The following CYP2E1 variants were observed in gnomAD, a reference collection of about 807,000 sequenced individuals.
CYP2E1 encodes cytochrome P450 family 2 subfamily E member 1.
In CYP2E1, 31 loss-of-function variants were observed where a neutral mutation model predicts 42.9. The ratio of observed to expected loss-of-function variants is 0.72; its 90% confidence interval spans 0.54 to 0.98. The LOEUF is 0.98. Ranked by LOEUF, CYP2E1 falls within the 50% of genes least tolerant of loss-of-function variation. The pLI is 0.00. For synonymous variants in CYP2E1, 244 were observed against 248.9 expected (o/e 0.98, Z 0.19); for missense variants, 565 against 633.2 (o/e 0.89, Z 1.16).
chr10:133,528,312 T>C, intron 1 of CYP2E1, 169 bp from the exon 2 acceptor site: 1 of 728,024 alleles, frequency 1.4e-6, no homozygotes, highest in South Asian at 1.9e-5. Context: ...CGCAGCAGCC[T>C]CTTGAGGGGA....
chr10:133,527,542 A>G lies in CYP2E1; in HGVS notation c.147A>G (p.Glu49=). The change falls in exon 1 of 9, where the codon GAA becomes GAG. Residue 49 remains glutamate (E), a synonymous_variant. Transcript: ENST00000252945. The stretch of plus-strand genomic sequence containing the variant: ...TCATCGGGAACCTCTTCCAGTTGGA[A>G]TTGAAGAATATTCCCAAGTCCTTCA... ...LPIIGNLFQL[E]LKNIPKSFTR... 6.2e-7 allele frequency: 1 copy of G among 1,612,950 alleles called. No homozygotes were observed. The highest frequency in any genetic ancestry group is 1.3e-5 in the African/African-American group (1 of 75,038).
intron 2 of CYP2E1, among the ~76,000 whole-genome samples, chr10:133,531,238 A>C (rs1004636251): frequency 1.3e-5 from 2 of 152,194 alleles, no homozygotes; most frequent in Admixed American, 6.5e-5. Flanking sequence ...GTGTTCTTGG[A>C]GTGGCCATAT....
intron 5 of CYP2E1, 110 bp from the exon 6 acceptor site, chr10:133,533,646 A>G: frequency 8.2e-7 from 1 of 1,221,702 alleles, no homozygotes; most frequent in African/African-American, 1.5e-5. Context: ...CCACTGGGAG[A>G]GCCTCTTGGA....
chr10:133,538,921 G>A lies in CYP2E1; in HGVS notation c.1439G>A (p.Cys480Tyr). 1 of 1,613,924 alleles carries A rather than the reference G, an allele frequency of 6.2e-7. No individual in the cohort carries two copies. The change falls in exon 9 of 9, where the codon TGT (cysteine) becomes TAT (tyrosine). Residue 480 changes from cysteine to tyrosine, a missense_variant. Physicochemically the swap from Cys to Tyr is radical, Grantham distance 194. Transcript: ENST00000252945. ...AGCCCTATACATATTGGGTTTGGCT[G>A]TATCCCACCACGTTACAAACTCTGT... Reference protein sequence around the residue: ...DLSPIHIGFGCIPPRYKLCVI... With the variant: ...DLSPIHIGFGYIPPRYKLCVI...
intron 8 of CYP2E1, among the ~76,000 whole-genome samples, chr10:133,538,439 A>G (rs776221954): frequency 4.6e-5 from 7 of 152,136 alleles, no homozygotes; most frequent in Admixed American, 1.3e-4. Context: ...CCAGCTTCTA[A>G]CAGGGCACTA....
At position 133,538,773 on chromosome 10, in the gene CYP2E1, C is replaced by T. The variant is rs1190224353; in HGVS notation, c.1298-7C>T. On this transcript the variant is annotated splice_region_variant and splice_polypyrimidine_tract_variant and intron_variant, in intron 8 of 8. Coordinates refer to ENST00000252945, the MANE Select transcript of CYP2E1 (RefSeq NM_000773.4). ...CAGTGTCTCATCAATACCATTGTTA[C>T]TTCTAGGAAAACGAGTGTGTGCTGG... 1 of 1,612,836 alleles carries T rather than the reference C, an allele frequency of 6.2e-7. No individual in the cohort carries two copies. The highest frequency in any genetic ancestry group is 1.7e-5 in the Admixed American group (1 of 59,982).
chr10:133,534,725 G>A (rs1031613519), intron 6 of CYP2E1, among the ~76,000 whole-genome samples: 1 of 152,160 alleles, frequency 6.6e-6, no homozygotes, highest in African/African-American at 2.4e-5. Flanking sequence ...GGTCACTTGT[G>A]GTCTTAAGGC....
chr10:133,538,920 T>C lies in CYP2E1; in HGVS notation c.1438T>C (p.Cys480Arg). ...DLSPIHIGFG[C>R]IPPRYKLCVI... ...CAGCCCTATACATATTGGGTTTGGC[T>C]GTATCCCACCACGTTACAAACTCTG... is the stretch of plus-strand genomic sequence containing the variant. The change falls in exon 9 of 9, where the codon TGT (cysteine) becomes CGT (arginine). Residue 480 changes from cysteine to arginine, a missense_variant. Cys to Arg is a radical substitution (Grantham distance 180). Coordinates refer to ENST00000252945, the MANE Select transcript of CYP2E1 (RefSeq NM_000773.4). The C allele has an allele frequency of 6.2e-7, 1 of 1,614,022 alleles. No individual in the cohort carries two copies. Among genetic ancestry groups the C allele is most frequent in the Non-Finnish European group, 8.5e-7 (1 of 1,179,974 alleles).
At chr10:133,535,556 A>T (rs553082199) in intron 6 of CYP2E1, among the ~76,000 whole-genome samples, 34 of 152,188 alleles carry the variant, frequency 2.2e-4, no homozygotes, top group Non-Finnish European at 3.1e-4. Flanking sequence ...TGCAGTGATT[A>T]TAAGAGAACT....
chr10:133,528,850 C>T (rs1046727003), intron 2 of CYP2E1, among the ~76,000 whole-genome samples: 2 of 152,240 alleles, frequency 1.3e-5, no homozygotes, highest in Admixed American at 6.5e-5. Context: ...TCCGGCCTCT[C>T]GGCGACTGTG....
intron 7 of CYP2E1, 139 bp downstream of exon 7, chr10:133,537,389 A>ACAGGGTGGGAGTGGGGCCAG: frequency 1.2e-6 from 1 of 803,622 alleles, no homozygotes; most frequent in Non-Finnish European, 2.0e-6. Context: ...CCCCACTCCC[A>ACAGGGTGGGAGTGGGGCCAG]CCCTGTGGGA....
intron 2 of CYP2E1, 143 bp from the exon 3 acceptor site, chr10:133,531,442 C>T: frequency 2.0e-6 from 2 of 994,022 alleles, no homozygotes; most frequent in Non-Finnish European, 3.1e-6. Flanking sequence ...GCTGGGACAC[C>T]CCTCTGTCTC....
chr10:133,531,806 C>A, intron 3 of CYP2E1, 72 bp downstream of exon 3: 1 of 1,459,308 alleles, frequency 6.9e-7, no homozygotes, highest in Middle Eastern at 2.3e-4. Context: ...GGCTGGGACT[C>A]CTAGACTGCA....
At chr10:133,532,305 C>T (rs199581521) in intron 4 of CYP2E1, 21 bp downstream of exon 4, 19 of 1,606,336 alleles carry the variant, frequency 1.2e-5, no homozygotes, top group African/African-American at 2.7e-5. Flanking sequence ...TTTCCTCTTT[C>T]ATCAGTCATC....
chr10:133,537,024 A>G, intron 6 of CYP2E1, 39 bp from the exon 7 acceptor site: 2 of 1,592,362 alleles, frequency 1.3e-6, no homozygotes, highest in Non-Finnish European at 1.7e-6. Context: ...ACTGGCCAGG[A>G]ACCAATCCCT....
rs1038603685 is a variant in CYP2E1, at chr10:133,528,621, C to T, written c.318C>T (p.Phe106=). ...EFSGRGDLPA[F]HAHRDRGIIF... ...CGGGCAGAGGCGACCTCCCCGCGTT[C>T]CATGCGCACAGGGACAGGGGTGAGT... Residue 106 remains phenylalanine (F), a synonymous_variant, in exon 2 of 9, where the codon TTC becomes TTT. Transcript: ENST00000252945. 6.2e-7 allele frequency: 1 copy of T among 1,613,176 alleles called. No homozygotes were observed. The highest frequency in any genetic ancestry group is 1.3e-5 in the African/African-American group (1 of 74,940).
At position 133,537,662 on chromosome 10, in the gene CYP2E1, T is replaced by C. The variant is rs56691185; in HGVS notation, c.1156-89T>C. 1.3e-4 allele frequency: 155 copies of C among 1,159,658 alleles called. No homozygotes were observed. In the Middle Eastern group the frequency reaches 1.6e-3, roughly 12 times the overall value. 71.8% of individuals were successfully genotyped at this position (1,159,658 alleles called of 1,614,324 possible). A position where few individuals can be genotyped will look rare whatever the true frequency, so the allele number is the denominator to read the frequency against. On this transcript the variant is annotated intron_variant, in intron 7 of 8. Transcript: ENST00000252945. ...ATATACTATCCTATATAGCATAATA[T>C]TCAAAACTACATTCTTCACTGGGGG...
rs1851423271 is a variant in CYP2E1 at position 133,537,779 on chromosome 10, C to T, written c.1184C>T (p.Ser395Phe). 1 of 1,613,980 alleles carries T rather than the reference C, an allele frequency of 6.2e-7. No homozygotes were observed. Among genetic ancestry groups the T allele is most frequent in the Non-Finnish European group, 8.5e-7 (1 of 1,179,892 alleles). ...ACAGTCGTAGTGCCAACTCTGGACT[C>T]TGTTTTGTATGACAACCAAGAATTT... is the stretch of plus-strand genomic sequence containing the variant. ...KGTVVVPTLD[S>F]VLYDNQEFPD... Residue 395 changes from serine to phenylalanine, a missense_variant, in exon 8 of 9, where the codon TCT becomes TTT. By Grantham distance (155) the Ser-to-Phe change is radical. Transcript: ENST00000252945.
At chr10:133,527,863 G>A (rs1219086533) in intron 1 of CYP2E1, among the ~76,000 whole-genome samples, 1 of 152,232 alleles carries the variant, frequency 6.6e-6, no homozygotes, top group Non-Finnish European at 1.5e-5. Context: ...CCGGGCTGGC[G>A]GCCAGATGCG....
Sources: allele counts gnomAD v4.1 joint callset (sites outside exome capture counted in the v4.1 genomes callset), GRCh38; gene constraint gnomAD v4.1.1; transcripts MANE v1.5; gene names NCBI Gene and HGNC (gene_info 2026-07-23, HGNC 2026-07-21).